FAM53A: variants seen among roughly 807,000 people sequenced by gnomAD.
The protein encoded by FAM53A is protein FAM53A.
In FAM53A, 28 loss-of-function variants were observed where a neutral mutation model predicts 26.6. That is an observed-to-expected ratio of 1.05 (90% CI 0.78 to 1.45). The LOEUF is 1.45. FAM53A is among the 40% of genes most tolerant of loss of function. The pLI, the probability that FAM53A is intolerant of heterozygous loss-of-function variation, is 0.00. For missense variants in FAM53A, 650 were observed against 575.8 expected (o/e 1.13, Z -1.32); for synonymous variants, 290 against 253.1 (o/e 1.15, Z -1.38).
At chr4:1,683,724 CAG>C (rs1343754832) in intron 1 of FAM53A, 6 of 152,372 alleles carry the variant, frequency 3.9e-5, no homozygotes, top group African/African-American at 4.8e-5. Flanking sequence ...GCGTGGGAAA[CAG>C]GGGCTCCGCG....
the FAM53A span, among the ~76,000 whole-genome samples, chr4:1,576,612 G>A: frequency 6.6e-6 from 1 of 152,278 alleles, no homozygotes; most frequent in African/African-American, 2.4e-5. Context: ...ATGAGGCAGA[G>A]TTTTCTGTTC....
intron 1 of FAM53A, among the ~76,000 whole-genome samples, chr4:1,673,910 C>T (rs1577152823): frequency 6.6e-6 from 1 of 152,212 alleles, no homozygotes; most frequent in East Asian, 1.9e-4. Context: ...GCCCAGGAGA[C>T]GACGGGGATT....
At chr4:1,618,742 A>G (rs1434955263) in intron 1 of FAM53A, among the ~76,000 whole-genome samples, 1 of 152,136 alleles carries the variant, frequency 6.6e-6, no homozygotes, top group Non-Finnish European at 1.5e-5. Context: ...GATGGGACCC[A>G]GCCACAGAAC....
chr4:1,627,399 G>A (rs775183189), intron 1 of FAM53A, among the ~76,000 whole-genome samples: 3 of 152,200 alleles, frequency 2.0e-5, no homozygotes, highest in Non-Finnish European at 4.4e-5. Flanking sequence ...TACACCTCCC[G>A]GAATGTTTAT....
chr4:1,618,620 C>T (rs1220012651), intron 1 of FAM53A, among the ~76,000 whole-genome samples: 1 of 152,166 alleles, frequency 6.6e-6, no homozygotes, highest in Non-Finnish European at 1.5e-5. Flanking sequence ...GAGGGGTGGA[C>T]TGTGGCTCAT....
rs367821081 is a variant in FAM53A, at chr4:1,677,094, C to A, written c.-165+7139G>T. Among the ~76,000 whole-genome samples, 4 of 152,208 alleles carry A rather than the reference C, an allele frequency of 2.6e-5. No individual in the cohort carries two copies. The South Asian group carries it at 8.3e-4, about 31-fold the overall frequency. ...TAGCCCACTCGGGGCACCCCTCCCC[C>A]TCATCTTGCAGCTTCCTGAGAAGGG... On this transcript the variant is annotated intron_variant, in intron 1 of 4. Coordinates refer to ENST00000308132, the MANE Select transcript of FAM53A (RefSeq NM_001174070.3).
intron 1 of FAM53A, among the ~76,000 whole-genome samples, chr4:1,632,444 C>A (rs1365314963): frequency 6.6e-6 from 1 of 152,186 alleles, no homozygotes; most frequent in Non-Finnish European, 1.5e-5. Context: ...AGAGACAGCT[C>A]TGCTGTTTAA....
At chr4:1,642,513 C>G (rs762878476) in intron 4 of FAM53A, among the ~76,000 whole-genome samples, 2 of 152,158 alleles carry the variant, frequency 1.3e-5, no homozygotes, top group African/African-American at 2.4e-5. Context: ...GCTGCACCCC[C>G]CAACCAGAGC....
At chr4:1,667,876 C>T (rs545075616) in intron 2 of FAM53A, among the ~76,000 whole-genome samples, 2 of 152,124 alleles carry the variant, frequency 1.3e-5, no homozygotes, top group African/African-American at 4.8e-5. Flanking sequence ...CTAACTAGGG[C>T]GGGGGGGTCC....
the FAM53A span, among the ~76,000 whole-genome samples, chr4:1,588,774 T>C: frequency 6.6e-6 from 1 of 152,236 alleles, no homozygotes; most frequent in Non-Finnish European, 1.5e-5. Flanking sequence ...AATAAATGTT[T>C]ATTGTTCTGA....
chr4:1,655,585 C>T lies in FAM53A; in HGVS notation c.275G>A (p.Arg92His), dbSNP rs776147727. Residue 92 changes from arginine to histidine, a missense_variant, in exon 4 of 5, where the codon CGC (arginine) becomes CAC (histidine). Transcript: ENST00000308132. ...GGCTGCACCCAGGCCTGCGCCTGGG[C>T]GCGGGGACTGTGGCTGCCACTGAAG... Reference protein sequence around the residue: ...MGLQWQPQSPRPGAGLGAAST... With the variant: ...MGLQWQPQSPHPGAGLGAAST... The T allele has an allele frequency of 1.9e-5, 30 of 1,584,652 alleles. No individual in the cohort carries two copies. The Middle Eastern group carries it at 5.0e-4, about 27-fold the overall frequency.
intron 1 of FAM53A, among the ~76,000 whole-genome samples, chr4:1,677,537 T>C (rs1350940270): frequency 1.3e-5 from 2 of 152,204 alleles, no homozygotes; most frequent in African/African-American, 4.8e-5. Context: ...TTTAAATTAC[T>C]TTTTCTGGTC....
chr4:1,585,472 C>T, the FAM53A span, among the ~76,000 whole-genome samples: 17 of 151,750 alleles, frequency 1.1e-4, no homozygotes, highest in East Asian at 2.3e-3. Context: ...TTAGTAGGGA[C>T]GGGGTTTCAC....
chr4:1,653,414 A>G (rs930529683), intron 4 of FAM53A, among the ~76,000 whole-genome samples: 4 of 152,154 alleles, frequency 2.6e-5, no homozygotes, highest in African/African-American at 9.7e-5. Context: ...CTGGTCATCA[A>G]TACGTCGCTG....
At chr4:1,669,428 G>C (rs1020484419) in intron 1 of FAM53A, among the ~76,000 whole-genome samples, 9 of 152,220 alleles carry the variant, frequency 5.9e-5, no homozygotes, top group Non-Finnish European at 1.0e-4. Flanking sequence ...GAGGAAGGGC[G>C]AGGGCTCAGG....
the FAM53A span, among the ~76,000 whole-genome samples, chr4:1,611,425 C>G: frequency 6.6e-6 from 1 of 152,220 alleles, no homozygotes; most frequent in African/African-American, 2.4e-5. Flanking sequence ...ACAAGGGCAG[C>G]TCAGGTCACA....
the FAM53A span, among the ~76,000 whole-genome samples, chr4:1,593,096 C>T: frequency 4.6e-5 from 7 of 152,146 alleles, no homozygotes; most frequent in Non-Finnish European, 7.4e-5. Context: ...CTTTCTCCGC[C>T]GGCGGGGACA....
Position 1,656,619 on chromosome 4 carries a change from C to T in FAM53A, c.136+789G>A, listed in dbSNP as rs148618479. Among the ~76,000 whole-genome samples, 466 of 152,234 alleles carry T rather than the reference C, an allele frequency of 3.1e-3. 1 individual carries two copies. Among genetic ancestry groups the T allele is most frequent in the Non-Finnish European group, 5.1e-3 (346 of 67,978 alleles). On this transcript the variant is annotated intron_variant, in intron 3 of 4. Coordinates refer to ENST00000308132, the MANE Select transcript of FAM53A (RefSeq NM_001174070.3). Reference sequence around the variant, plus strand: ...GAGGTGGCTGGTCTGACCCCGTGTGCAGGATGAACCCCAGGAGGCTGAGGT... The same window carrying T: ...GAGGTGGCTGGTCTGACCCCGTGTGTAGGATGAACCCCAGGAGGCTGAGGT...
intron 4 of FAM53A, among the ~76,000 whole-genome samples, chr4:1,647,952 G>A (rs1027535658): frequency 6.6e-6 from 1 of 152,254 alleles, no homozygotes; most frequent in African/African-American, 2.4e-5. Context: ...GCGCACGCCT[G>A]CAATCCCAGC....
Sources: gnomAD v4.1 joint callset for allele counts (sites outside exome capture counted in the v4.1 genomes callset) on GRCh38, gnomAD v4.1.1 for gene constraint, MANE v1.5 for transcripts, NCBI Gene and HGNC (gene_info 2026-07-23, HGNC 2026-07-21) for gene names.